The following KIF16B variants were observed in gnomAD, a reference collection of about 807,000 sequenced individuals.
The protein encoded by KIF16B is kinesin-like protein KIF16B.
KIF16B carries 98 observed loss-of-function variants against 156.3 expected under a neutral mutation model. The observed-to-expected ratio is 0.63, with a 90% CI of 0.53 to 0.74. KIF16B has a LOEUF of 0.74. KIF16B is among the 30% of genes least tolerant of loss of function. The pLI, the probability that KIF16B is intolerant of heterozygous loss-of-function variation, is 0.00. For missense variants in KIF16B, 1,421 were observed against 1,606.5 expected (o/e 0.88, Z 1.97); for synonymous variants, 564 against 583.7 (o/e 0.97, Z 0.49).
At chr20:16,422,288 C>T (rs554210686) in intron 15 of KIF16B, among the ~76,000 whole-genome samples, 2 of 152,028 alleles carry the variant, frequency 1.3e-5, no homozygotes, top group African/African-American at 2.4e-5. Context: ...AGACAGTGTC[C>T]GTGTGTGTGC....
chr20:16,332,015 T>C (rs1332245081), intron 24 of KIF16B, among the ~76,000 whole-genome samples: 1 of 152,198 alleles, frequency 6.6e-6, no homozygotes, highest in African/African-American at 2.4e-5. Context: ...ACAGCTGATA[T>C]TCAACTTAAT....
intron 23 of KIF16B, among the ~76,000 whole-genome samples, chr20:16,344,608 C>T (rs1220644194): frequency 6.6e-6 from 1 of 152,188 alleles, no homozygotes; most frequent in East Asian, 1.9e-4. Context: ...AACAGTCCCC[C>T]AAACTGAGTG....
chr20:16,395,716 C>T (rs1400933447), intron 17 of KIF16B, among the ~76,000 whole-genome samples: 1 of 152,054 alleles, frequency 6.6e-6, no homozygotes, highest in Non-Finnish European at 1.5e-5. Context: ...CCAGGACTTG[C>T]TTTTAGAGAC....
At chr20:16,564,331 T>A (rs1007769301) in intron 1 of KIF16B, among the ~76,000 whole-genome samples, 1 of 152,200 alleles carries the variant, frequency 6.6e-6, no homozygotes, top group Non-Finnish European at 1.5e-5. Flanking sequence ...ATCCAGTCTA[T>A]CACTGTTGGA....
intron 12 of KIF16B, among the ~76,000 whole-genome samples, chr20:16,460,783 A>G (rs1311199787): frequency 6.6e-6 from 1 of 152,184 alleles, no homozygotes; most frequent in East Asian, 1.9e-4. Context: ...GTCTAGATAC[A>G]AATAGAAACA....
chr20:16,328,762 C>T (rs1568854853), intron 24 of KIF16B, among the ~76,000 whole-genome samples: 2 of 152,098 alleles, frequency 1.3e-5, no homozygotes, highest in South Asian at 4.1e-4. Context: ...AGATTCAGTA[C>T]CTGCTGAGGT....
chr20:16,342,238 T>C (rs547704060), intron 23 of KIF16B, among the ~76,000 whole-genome samples: 1 of 152,080 alleles, frequency 6.6e-6, no homozygotes, highest in Non-Finnish European at 1.5e-5. Context: ...CTAATACTAA[T>C]TATATATCTC....
chr20:16,562,231 A>G (rs931388117), intron 1 of KIF16B, among the ~76,000 whole-genome samples: 7 of 152,360 alleles, frequency 4.6e-5, no homozygotes, highest in Admixed American at 4.6e-4. Flanking sequence ...ATTTAAACAC[A>G]GTAAAGTGTT....
chr20:16,441,509 T>G (rs1432926120), intron 12 of KIF16B, among the ~76,000 whole-genome samples: 2 of 152,152 alleles, frequency 1.3e-5, no homozygotes, highest in Admixed American at 6.6e-5. Context: ...ACTGCTTGTT[T>G]CTCCCGCTAG....
At chr20:16,513,862 C>G (rs1458824846) in intron 4 of KIF16B, among the ~76,000 whole-genome samples, 1 of 152,074 alleles carries the variant, frequency 6.6e-6, no homozygotes, top group Non-Finnish European at 1.5e-5. Flanking sequence ...GCAAAATGAT[C>G]TTGCTAGGAA....
In KIF16B at chr20:16,379,478, C is replaced by G; in HGVS notation, c.2524G>C (p.Asp842His). The G allele has an allele frequency of 1.4e-5, 23 of 1,614,116 alleles. No individual in the cohort carries two copies. The highest frequency in any genetic ancestry group is 1.9e-5 in the Non-Finnish European group (23 of 1,180,018). The change falls in exon 19 of 26, where the codon GAC becomes CAC. Residue 842 changes from aspartate (D) to histidine (H), a missense_variant. By Grantham distance (81) the Asp-to-His change is moderately conservative (BLOSUM62 -1). Transcript: ENST00000354981. ...QLVKLVNLEK[D>H]LVQQKDILKK... Reference sequence around the variant, plus strand: ...AGGATGTCTTTCTGCTGAACCAGGTCCTTCTCCAAGTTCACTAGCTTGACA... The same window carrying G: ...AGGATGTCTTTCTGCTGAACCAGGTGCTTCTCCAAGTTCACTAGCTTGACA...
intron 12 of KIF16B, among the ~76,000 whole-genome samples, chr20:16,474,751 C>CT (rs2067762818): frequency 6.6e-6 from 1 of 152,164 alleles, no homozygotes; most frequent in Admixed American, 6.5e-5. Context: ...GCTCTGGCAA[C>CT]TATGTACCAC....
intron 12 of KIF16B, among the ~76,000 whole-genome samples, chr20:16,485,149 G>A (rs189844049): frequency 1.3e-5 from 2 of 152,232 alleles, no homozygotes; most frequent in African/African-American, 4.8e-5. Context: ...CTAAACTGAT[G>A]GGGATGAGGG....
In KIF16B at chr20:16,273,022, C is replaced by A. The variant is rs570702850; in HGVS notation, c.*231G>T. The A allele has an allele frequency of 4.9e-4, 243 of 497,122 alleles. No individual in the cohort carries two copies. The highest frequency in any genetic ancestry group is 8.0e-4 in the Admixed American group (23 of 28,752). The allele number at this position is 497,122 out of a possible 1,614,324, so 30.8% of individuals were successfully genotyped here. On this transcript the variant is annotated 3_prime_UTR_variant, in exon 26 of 26. Transcript: ENST00000354981. ...ACTGTGGGAAAAGGCCACGTTCAAC[C>A]GCAATGGAACGGTAACGGCTGCCTG...
intron 8 of KIF16B, 48 bp downstream of exon 8, chr20:16,505,974 G>A: frequency 6.2e-7 from 1 of 1,609,272 alleles, no homozygotes. Flanking sequence ...TTACACATGA[G>A]GAAAAAGAGG....
chr20:16,311,142 C>T (rs2063613792), intron 25 of KIF16B, among the ~76,000 whole-genome samples: 1 of 152,200 alleles, frequency 6.6e-6, no homozygotes, highest in South Asian at 2.1e-4. Flanking sequence ...TCTCTCAGGA[C>T]TTTCCTTATT....
chr20:16,368,021 G>A (rs2064720224), intron 22 of KIF16B: 2 of 1,412,744 alleles, frequency 1.4e-6, no homozygotes, highest in Non-Finnish European at 1.8e-6. Flanking sequence ...TGAAGCAGGA[G>A]CAAACACGCT....
chr20:16,564,842 G>C (rs150024088), intron 1 of KIF16B, among the ~76,000 whole-genome samples: 2 of 151,978 alleles, frequency 1.3e-5, no homozygotes, highest in Non-Finnish European at 2.9e-5. Flanking sequence ...CCATGGCACT[G>C]CCTCCCACCC....
intron 1 of KIF16B, among the ~76,000 whole-genome samples, chr20:16,548,513 G>A (rs2070501338): frequency 6.6e-6 from 1 of 152,206 alleles, no homozygotes; most frequent in South Asian, 2.1e-4. Context: ...TGTCATATCA[G>A]CAGCATTACA....
Sources: gnomAD v4.1 joint callset for allele counts (sites outside exome capture counted in the v4.1 genomes callset) on GRCh38, gnomAD v4.1.1 for gene constraint, MANE v1.5 for transcripts, NCBI Gene and HGNC (gene_info 2026-07-23, HGNC 2026-07-21) for gene names.